NRP2: variants seen among roughly 807,000 people sequenced by gnomAD.
NRP2 encodes the protein neuropilin-2.
In NRP2, 52 loss-of-function variants were observed where a neutral mutation model predicts 110.4. The ratio of observed to expected loss-of-function variants is 0.47; its 90% CI spans 0.38 to 0.59. The LOEUF is 0.59. Among genes scored for constraint, NRP2 ranks in the 20% least tolerant of loss-of-function variants. The pLI is 0.00. For synonymous variants in NRP2, 508 were observed against 468.9 expected (o/e 1.08, Z -1.08); for missense variants, 1,049 against 1,203.0 (o/e 0.87, Z 1.89).
At chr2:205,736,823 C>T (rs1339353987) in intron 7 of NRP2, among the ~76,000 whole-genome samples, 1 of 152,152 alleles carries the variant, frequency 6.6e-6, no homozygotes, top group Non-Finnish European at 1.5e-5. Context: ...CTTGCAATGC[C>T]TAGACTGGAA....
At chr2:205,704,791 A>G (rs1290030405) in intron 2 of NRP2, among the ~76,000 whole-genome samples, 1 of 152,136 alleles carries the variant, frequency 6.6e-6, no homozygotes, top group Non-Finnish European at 1.5e-5. Context: ...ATCACTTGAG[A>G]TGTTATCATG....
chr2:205,740,655 G>A lies in NRP2; in HGVS notation c.1283G>A (p.Arg428Gln), dbSNP rs761565919. The A allele has an allele frequency of 1.9e-5, 30 of 1,614,004 alleles. No homozygotes were observed. Among genetic ancestry groups the A allele is most frequent in the Middle Eastern group, 1.7e-4 (1 of 6,056 alleles). ...CTCCGGCTGGAGCTCTTCGGCTGCC[G>A]GGTCACAGGTGAGGTGGGGGCTCCA... ...IALRLELFGC[R>Q]VTDAPCSNML... Residue 428 changes from arginine to glutamine, a missense_variant, in exon 8 of 17, where the codon CGG (arginine) becomes CAG (glutamine). Transcript: ENST00000357785.
chr2:205,743,611 A>G (rs2057485082), intron 9 of NRP2, 59 bp downstream of exon 9: 1 of 1,592,638 alleles, frequency 6.3e-7, no homozygotes, highest in Admixed American at 1.7e-5. Flanking sequence ...TAAGTGTGGT[A>G]CAGGGAGTTG....
intron 12 of NRP2, chr2:205,756,865 G>A (rs968573928): frequency 6.6e-5 from 10 of 152,302 alleles, no homozygotes; most frequent in African/African-American, 2.2e-4. Context: ...AAGTAACATG[G>A]CATTAGATGG....
intron 1 of NRP2, among the ~76,000 whole-genome samples, chr2:205,684,253 TG>T (rs2056090318): frequency 6.6e-6 from 1 of 152,010 alleles, no homozygotes; most frequent in Non-Finnish European, 1.5e-5. Context: ...GGGAATGCAG[TG>T]GGGTTTGTGC....
chr2:205,750,379 GAT>G (rs1318226311), intron 11 of NRP2, among the ~76,000 whole-genome samples: 1 of 152,174 alleles, frequency 6.6e-6, no homozygotes. Flanking sequence ...GATTCTATAA[GAT>G]AGTGCACTGT....
At chr2:205,722,212 C>A in intron 3 of NRP2, 1 of 394,598 alleles carries the variant, frequency 2.5e-6, no homozygotes, top group East Asian at 6.1e-5. Context: ...CACACACACA[C>A]TTCTCTGTAC....
At position 205,697,788 on chromosome 2, in the gene NRP2, C is replaced by T; in HGVS notation, c.251+67C>T. On this transcript the variant is annotated intron_variant, in intron 2 of 16. Transcript: ENST00000357785. ...TGCACACGCCCTGCCCCCACCCCTG[C>T]TCTTGTCACTTCTATCACCCCTCAC... 5 of 1,465,882 alleles carry T rather than the reference C, an allele frequency of 3.4e-6. No individual in the cohort carries two copies. In the South Asian group the frequency reaches 4.5e-5, roughly 13 times the overall value. The allele number at this position is 1,465,882 out of a possible 1,614,324, so 90.8% of individuals were successfully genotyped here.
intron 8 of NRP2, among the ~76,000 whole-genome samples, chr2:205,742,323 A>C (rs1345170209): frequency 1.3e-5 from 2 of 152,236 alleles, no homozygotes; most frequent in East Asian, 3.8e-4. Context: ...GGACATAGAG[A>C]CAGGAACAAA....
chr2:205,766,890 C>T, intron 15 of NRP2, 87 bp downstream of exon 15: 2 of 1,258,624 alleles, frequency 1.6e-6, no homozygotes, highest in South Asian at 2.4e-5. Context: ...GGGGAATCAA[C>T]CTCCAAATTT....
intron 2 of NRP2, among the ~76,000 whole-genome samples, chr2:205,712,249 A>G (rs1198079290): frequency 6.6e-6 from 1 of 152,242 alleles, no homozygotes; most frequent in Non-Finnish European, 1.5e-5. Flanking sequence ...CAGGAAAAAA[A>G]TAAATAAAAC....
chr2:205,767,270 C>T (rs1414730923), intron 15 of NRP2: 3 of 350,904 alleles, frequency 8.5e-6, no homozygotes, highest in African/African-American at 4.4e-5. Context: ...ACCACAGAGC[C>T]GAGGGGCTTC....
At chr2:205,683,523 C>T (rs1227650040) in intron 1 of NRP2, among the ~76,000 whole-genome samples, 160 bp downstream of exon 1, 1 of 151,504 alleles carries the variant, frequency 6.6e-6, no homozygotes, top group African/African-American at 2.4e-5. Flanking sequence ...ACCACCACGG[C>T]TGCTAAAACC....
chr2:205,790,682 T>C (rs1479806715), intron 15 of NRP2, among the ~76,000 whole-genome samples: 1 of 150,926 alleles, frequency 6.6e-6, no homozygotes, highest in Non-Finnish European at 1.5e-5. Context: ...AAAAACCCTG[T>C]GGGTTGACTT....
At chr2:205,709,483 T>A (rs968684257) in intron 2 of NRP2, among the ~76,000 whole-genome samples, 1 of 152,194 alleles carries the variant, frequency 6.6e-6, no homozygotes, top group Non-Finnish European at 1.5e-5. Context: ...AGACTGTTAT[T>A]ATGTCCATTT....
intron 15 of NRP2, among the ~76,000 whole-genome samples, chr2:205,785,154 A>T (rs970473777): frequency 6.6e-5 from 10 of 152,240 alleles, no homozygotes; most frequent in African/African-American, 2.4e-4. Context: ...AAAAGGGGCT[A>T]TCTTTCAGAA....
chr2:205,792,679 T>C (rs982145880), intron 16 of NRP2, among the ~76,000 whole-genome samples: 2 of 152,232 alleles, frequency 1.3e-5, no homozygotes, highest in Admixed American at 6.5e-5. Flanking sequence ...AGACCTGCTG[T>C]GGTTTCTGGT....
At chr2:205,769,501 T>TACAC (rs1487457755) in intron 15 of NRP2, among the ~76,000 whole-genome samples, 367 of 54,150 alleles carry the variant, frequency 6.8e-3, no homozygotes, top group Admixed American at 0.013. Context: ...TGTATATACA[T>TACAC]ACATACACAC....
chr2:205,737,119 T>C (rs965964302), intron 7 of NRP2, among the ~76,000 whole-genome samples: 10 of 152,244 alleles, frequency 6.6e-5, no homozygotes, highest in African/African-American at 2.2e-4. Context: ...TCATTACTCT[T>C]TGTTATTAAT....
Sources: allele counts gnomAD v4.1 joint callset (sites outside exome capture counted in the v4.1 genomes callset), GRCh38; gene constraint gnomAD v4.1.1; transcripts MANE v1.5; gene names NCBI Gene and HGNC (gene_info 2026-07-23, HGNC 2026-07-21).